Variants in RGS22 observed in about 807,000 individuals in gnomAD.
RGS22 encodes the protein regulator of G protein signaling 22.
In RGS22, 148 loss-of-function variants were observed where a neutral mutation model predicts 172.9. The observed-to-expected ratio is 0.86, with a 90% CI of 0.75 to 0.98. RGS22 has a LOEUF of 0.98. Ranked by LOEUF, RGS22 falls within the 50% of genes least tolerant of loss-of-function variation. The pLI, the probability that RGS22 is intolerant of heterozygous loss-of-function variation, is 0.00. For synonymous variants in RGS22, 458 were observed against 480.2 expected, an observed-to-expected ratio of 0.95 and a Z score of 0.60; for missense variants, 1,347 against 1,440.8, an observed-to-expected ratio of 0.93 and a Z score of 1.05.
At chr8:100,098,600 C>CT (rs1245337490) in intron 2 of RGS22, among the ~76,000 whole-genome samples, 1 of 152,122 alleles carries the variant, frequency 6.6e-6, no homozygotes, top group African/African-American at 2.4e-5. Flanking sequence ...AGTATGGACT[C>CT]TGCTTTTATC....
chr8:100,023,490 C>G (rs1817836898), intron 14 of RGS22, among the ~76,000 whole-genome samples: 1 of 152,212 alleles, frequency 6.6e-6, no homozygotes, highest in Admixed American at 6.5e-5. Flanking sequence ...CTGGAATACA[C>G]TGGTGCACTC....
intron 6 of RGS22, among the ~76,000 whole-genome samples, chr8:100,067,476 G>A (rs1386472654): frequency 6.6e-6 from 1 of 152,086 alleles, no homozygotes; most frequent in Non-Finnish European, 1.5e-5. Context: ...AAATAATTAA[G>A]AAACATTCAA....
At chr8:99,977,660 G>A (rs1016258136) in intron 23 of RGS22, among the ~76,000 whole-genome samples, 1 of 152,128 alleles carries the variant, frequency 6.6e-6, no homozygotes, top group South Asian at 2.1e-4. Flanking sequence ...CAAGGTGGAG[G>A]AACGTTATTG....
chr8:99,962,290 T>A lies in RGS22; in HGVS notation c.*45+104A>T, dbSNP rs1253791155. 4.2e-6 allele frequency: 3 copies of A among 718,738 alleles called. No homozygotes were observed. The African/African-American group carries it at 5.4e-5, about 13-fold the overall frequency. 44.5% of individuals were successfully genotyped at this position (718,738 alleles called of 1,614,324 possible). On this transcript the variant is annotated intron_variant, in intron 27 of 27. Transcript: ENST00000360863. Reference sequence around the variant, plus strand: ...TCCCCATCGACTTATTAGTGGGACATGTTATATGTGTGGTATGCTGTGTGT... The same window carrying A: ...TCCCCATCGACTTATTAGTGGGACAAGTTATATGTGTGGTATGCTGTGTGT...
At chr8:100,084,966 A>C (rs1286366149) in intron 3 of RGS22, among the ~76,000 whole-genome samples, 1 of 152,240 alleles carries the variant, frequency 6.6e-6, no homozygotes, top group African/African-American at 2.4e-5. Flanking sequence ...ATACTAGAAT[A>C]TTATGTCTGG....
chr8:100,060,878 G>C (rs1810078193), intron 9 of RGS22, among the ~76,000 whole-genome samples: 1 of 152,098 alleles, frequency 6.6e-6, no homozygotes, highest in African/African-American at 2.4e-5. Context: ...TAAGCAAAAA[G>C]AGTAAAGCTG....
At chr8:99,989,853 T>TAGAC (rs1213124347) in intron 20 of RGS22, among the ~76,000 whole-genome samples, 78 of 131,088 alleles carry the variant, frequency 6.0e-4, no homozygotes, top group East Asian at 1.4e-3. Flanking sequence ...TCTAGATAGA[T>TAGAC]AGACAGACAG....
At chr8:99,981,105 C>T (rs1306435133) in intron 22 of RGS22, among the ~76,000 whole-genome samples, 1 of 152,174 alleles carries the variant, frequency 6.6e-6, no homozygotes, top group Non-Finnish European at 1.5e-5. Context: ...TCATTCATGA[C>T]ATGGCCTTCC....
At chr8:99,976,607 C>T (rs13256588) in intron 23 of RGS22, among the ~76,000 whole-genome samples, 3,701 of 152,204 alleles carry the variant, frequency 0.024, 67 homozygotes, top group Non-Finnish European at 0.038. Flanking sequence ...GTGATCCGCC[C>T]GCCTCGGCCT....
In RGS22 at chr8:100,102,306, T is replaced by A. The variant is rs568580802; in HGVS notation, c.54+3068A>T. Among the ~76,000 whole-genome samples, 7 of 152,332 alleles carry A rather than the reference T, an allele frequency of 4.6e-5. No homozygotes were observed. In the South Asian group the frequency reaches 1.4e-3, roughly 32 times the overall value. On this transcript the variant is annotated intron_variant, in intron 2 of 27. Coordinates refer to ENST00000360863, the MANE Select transcript of RGS22 (RefSeq NM_015668.5). ...CCAGAATTTGGTTCTGTGACCATGT[T>A]TGGCTGCAAGGGAAACTAGAAAATG...
In RGS22 at chr8:100,063,678, T is replaced by C. The variant is rs1023159036; in HGVS notation, c.1090A>G (p.Asn364Asp). The C allele has an allele frequency of 6.8e-6, 11 of 1,614,050 alleles. No individual in the cohort carries two copies. In the East Asian group the frequency reaches 2.5e-4, roughly 36 times the overall value. ...GTTTGAACTAATTCACTTAAAAAAT[T>C]CTTGCCATGAATAGACTCAAAACAA... ...DDCFESIHGK[N>D]FLSELVQTTK... Residue 364 changes from asparagine to aspartate, a missense_variant, in exon 8 of 28, where the codon AAT becomes GAT. By Grantham distance (23) the Asn-to-Asp change is conservative (BLOSUM62 1). Transcript: ENST00000360863.
intron 18 of RGS22, among the ~76,000 whole-genome samples, chr8:100,000,856 T>C (rs1814963182): frequency 6.6e-6 from 1 of 152,172 alleles, no homozygotes; most frequent in Non-Finnish European, 1.5e-5. Flanking sequence ...TCCCTCTCGC[T>C]CCCAAAGCCT....
At chr8:100,065,594 A>T (rs1426078639) in intron 7 of RGS22, among the ~76,000 whole-genome samples, 1 of 152,024 alleles carries the variant, frequency 6.6e-6, no homozygotes, top group Non-Finnish European at 1.5e-5. Context: ...ACTGTTAATG[A>T]CTCCCATTTC....
chr8:100,101,966 G>T (rs1156372796), intron 2 of RGS22, among the ~76,000 whole-genome samples: 1 of 151,978 alleles, frequency 6.6e-6, no homozygotes, highest in Non-Finnish European at 1.5e-5. Flanking sequence ...AGGCATTGTG[G>T]CTTCCCAAAT....
chr8:100,060,421 T>TATATATATATATATATATATATAGAC (rs1245783464), intron 9 of RGS22, among the ~76,000 whole-genome samples: 1 of 119,482 alleles, frequency 8.4e-6, no homozygotes. Context: ...TATATATATA[T>TATATATATATATATATATATATAGAC]ACACACACAC....
In RGS22 at chr8:99,962,989, C is replaced by G; in HGVS notation, c.3616-11G>C. The G allele has an allele frequency of 6.5e-7, 1 of 1,549,136 alleles. No homozygotes were observed. The highest frequency in any genetic ancestry group is 8.6e-7 in the Non-Finnish European group (1 of 1,157,506). ...GTAGCACCAGGTTGGCTAAAAAAAG[C>G]AATTTTCAAAGTTAATTCTGAAATG... On this transcript the variant is annotated splice_polypyrimidine_tract_variant and intron_variant, in intron 24 of 27. Coordinates refer to ENST00000360863, the MANE Select transcript of RGS22 (RefSeq NM_015668.5).
At chr8:99,963,388 T>C (rs1273756791) in intron 24 of RGS22, among the ~76,000 whole-genome samples, 1 of 152,186 alleles carries the variant, frequency 6.6e-6, no homozygotes, top group Non-Finnish European at 1.5e-5. Context: ...TATTCAGTCA[T>C]CTTTATATAT....
rs765978308 is a variant in RGS22, at chr8:100,063,538, G to A, written c.1230C>T (p.Gly410=). Residue 410 remains glycine, a synonymous_variant, in exon 8 of 28, where the codon GGC becomes GGT. Coordinates refer to ENST00000360863, the MANE Select transcript of RGS22 (RefSeq NM_015668.5). ...TAAATCTTTCAAACTCCTTTCTATT[G>A]CCAATGTCATAAGTCCTATGAGAAA... The part of the protein sequence containing the change: ...WCISHRTYDI[G]NRKEFERFKK... 6.2e-7 allele frequency: 1 copy of A among 1,613,634 alleles called. No individual in the cohort carries two copies. The highest frequency in any genetic ancestry group is 8.5e-7 in the Non-Finnish European group (1 of 1,179,948).
chr8:100,018,168 C>T (rs1817207242), intron 14 of RGS22, among the ~76,000 whole-genome samples: 1 of 151,530 alleles, frequency 6.6e-6, no homozygotes, highest in African/African-American at 2.4e-5. Context: ...TTCCCCGCAC[C>T]TCTCTACACC....
Sources: gnomAD v4.1 joint callset for allele counts (sites outside exome capture counted in the v4.1 genomes callset) on GRCh38, gnomAD v4.1.1 for gene constraint, MANE v1.5 for transcripts, NCBI Gene and HGNC (gene_info 2026-07-23, HGNC 2026-07-21) for gene names.